STX18: variants seen among roughly 807,000 people sequenced by gnomAD.
The protein encoded by STX18 is syntaxin-18.
Under a neutral mutation model 50.1 loss-of-function variants are expected in STX18, and 40 were observed. That is an observed-to-expected ratio of 0.80 (90% confidence interval 0.62 to 1.04). STX18 has a LOEUF of 1.04. STX18 is among the 50% of genes least tolerant of loss of function. The pLI, the probability that STX18 is intolerant of heterozygous loss-of-function variation, is 0.00. For missense variants in STX18, 410 were observed against 415.8 expected (o/e 0.99, Z 0.12); for synonymous variants, 158 against 151.8 (o/e 1.04, Z -0.30).
chr4:4,444,150 T>A (rs889652657), intron 5 of STX18, among the ~76,000 whole-genome samples: 19 of 152,198 alleles, frequency 1.2e-4, no homozygotes, highest in Non-Finnish European at 2.5e-4. Flanking sequence ...GGAGGTTGTT[T>A]GGCGGGAGGG....
At position 4,442,803 on chromosome 4, in the gene STX18, T is replaced by TAA. The variant is rs71169645; in HGVS notation, c.498-4296_498-4295dup. On this transcript the variant is annotated intron_variant, in intron 5 of 10. Coordinates refer to ENST00000306200, the MANE Select transcript of STX18 (RefSeq NM_016930.4). ...ACTGCTCTTAAAATAACAAGTTTAT[T>TAA]AAAAAAAAAAAAAAAAAAGCCCCAC... Among the ~76,000 whole-genome samples, 215 of 100,604 alleles carry TAA rather than the reference T, an allele frequency of 2.1e-3. 1 individual carries two copies. Among genetic ancestry groups the TAA allele is most frequent in the South Asian group, 6.7e-3 (19 of 2,852 alleles). The allele number at this position is 100,604 out of a possible 152,430, so 66.0% of individuals were successfully genotyped here.
chr4:4,435,956 G>A (rs936314759), intron 6 of STX18, among the ~76,000 whole-genome samples: 2 of 152,200 alleles, frequency 1.3e-5, no homozygotes, highest in African/African-American at 2.4e-5. Flanking sequence ...CCTCGGGGGA[G>A]ACTGTAATGA....
At chr4:4,475,500 A>G (rs1411598635) in intron 1 of STX18, among the ~76,000 whole-genome samples, 2 of 152,126 alleles carry the variant, frequency 1.3e-5, no homozygotes, top group Non-Finnish European at 2.9e-5. Context: ...AATCAACAAC[A>G]AAGAAAAAAG....
chr4:4,433,016 A>T (rs543232278), intron 7 of STX18, among the ~76,000 whole-genome samples: 1 of 152,332 alleles, frequency 6.6e-6, no homozygotes, highest in South Asian at 2.1e-4. Flanking sequence ...GCTCCTGTGC[A>T]GCAACACTTG....
At chr4:4,441,236 G>C (rs760648875) in intron 5 of STX18, among the ~76,000 whole-genome samples, 1 of 152,172 alleles carries the variant, frequency 6.6e-6, no homozygotes, top group African/African-American at 2.4e-5. Flanking sequence ...TGGAGTTCAA[G>C]GGGAAGAAAC....
At chr4:4,422,983 T>A (rs1725045282) in intron 9 of STX18, among the ~76,000 whole-genome samples, 1 of 152,214 alleles carries the variant, frequency 6.6e-6, no homozygotes, top group African/African-American at 2.4e-5. Context: ...AAAATTCACT[T>A]GAAAAGAACA....
chr4:4,529,541 A>G (rs190122966), intron 1 of STX18, among the ~76,000 whole-genome samples: 42 of 152,340 alleles, frequency 2.8e-4, no homozygotes, highest in Non-Finnish European at 5.0e-4. Flanking sequence ...AAATCCCCAG[A>G]GGCGTGGTCT....
At chr4:4,528,859 T>A (rs1730940647) in intron 1 of STX18, among the ~76,000 whole-genome samples, 1 of 149,200 alleles carries the variant, frequency 6.7e-6, no homozygotes, top group Non-Finnish European at 1.5e-5. Flanking sequence ...AAAAGCCATC[T>A]CAGCTCCAGA....
intron 3 of STX18, among the ~76,000 whole-genome samples, chr4:4,458,183 G>A (rs1727182409): frequency 6.6e-6 from 1 of 152,184 alleles, no homozygotes; most frequent in Admixed American, 6.5e-5. Flanking sequence ...CGAGTTTCCT[G>A]ATTTTTACAC....
At chr4:4,542,093 G>A, upstream of STX18, 5 of 1,207,124 alleles carry the variant, frequency 4.1e-6, no homozygotes, top group Non-Finnish European at 4.4e-6. Flanking sequence ...GACGCGAGAA[G>A]AAAGGTTCCG....
intron 2 of STX18, among the ~76,000 whole-genome samples, chr4:4,465,932 A>T (rs1727598413): frequency 6.6e-6 from 1 of 152,210 alleles, no homozygotes; most frequent in Non-Finnish European, 1.5e-5. Flanking sequence ...TCTATGGCAC[A>T]TGGTAGGCAC....
intron 6 of STX18, among the ~76,000 whole-genome samples, chr4:4,437,994 G>A (rs1286537521): frequency 6.6e-6 from 1 of 152,244 alleles, no homozygotes; most frequent in African/African-American, 2.4e-5. Flanking sequence ...TTGACTGGCT[G>A]TGCAAGGCTG....
intron 1 of STX18, among the ~76,000 whole-genome samples, chr4:4,482,664 C>G (rs1728517835): frequency 6.6e-6 from 1 of 152,218 alleles, no homozygotes; most frequent in South Asian, 2.1e-4. Context: ...CTTAAGCAAG[C>G]CTCCTCTTCT....
chr4:4,514,393 A>C (rs1730141757), intron 1 of STX18, among the ~76,000 whole-genome samples: 1 of 152,198 alleles, frequency 6.6e-6, no homozygotes, highest in Non-Finnish European at 1.5e-5. Flanking sequence ...AAAACATTTA[A>C]AGTGAGAAAT....
chr4:4,536,868 T>G (rs1342961369), intron 1 of STX18, among the ~76,000 whole-genome samples: 1 of 152,208 alleles, frequency 6.6e-6, no homozygotes, highest in African/African-American at 2.4e-5. Context: ...CAATTCAGGA[T>G]CATTATTACC....
At chr4:4,519,762 A>G (rs907861384) in intron 1 of STX18, among the ~76,000 whole-genome samples, 14 of 152,208 alleles carry the variant, frequency 9.2e-5, no homozygotes, top group African/African-American at 3.1e-4. Flanking sequence ...ATTGAACAAG[A>G]AAATTGAAAT....
chr4:4,514,285 T>G (rs1326278481), intron 1 of STX18, among the ~76,000 whole-genome samples: 2 of 152,204 alleles, frequency 1.3e-5, no homozygotes, highest in Non-Finnish European at 2.9e-5. Context: ...TTGCCATAAG[T>G]AAAGCTATCA....
chr4:4,536,419 T>G (rs1731334654), intron 1 of STX18, among the ~76,000 whole-genome samples: 1 of 152,192 alleles, frequency 6.6e-6, no homozygotes, highest in Non-Finnish European at 1.5e-5. Context: ...ATATATGATC[T>G]GCTAGGGGAA....
At chr4:4,506,138 C>A (rs560927779) in intron 1 of STX18, among the ~76,000 whole-genome samples, 29 of 152,270 alleles carry the variant, frequency 1.9e-4, no homozygotes, top group Non-Finnish European at 3.5e-4. Context: ...TGTGTACAGG[C>A]AGTTTCTTAT....
Sources: gnomAD v4.1 joint callset for allele counts (sites outside exome capture counted in the v4.1 genomes callset) on GRCh38, gnomAD v4.1.1 for gene constraint, MANE v1.5 for transcripts, NCBI Gene and HGNC (gene_info 2026-07-23, HGNC 2026-07-21) for gene names.